ATP2B4: variants seen among roughly 807,000 people sequenced by gnomAD.
ATP2B4 encodes the protein ATPase plasma membrane Ca2+ transporting 4.
ATP2B4 carries 39 observed loss-of-function variants against 110.3 expected under a neutral mutation model. The observed-to-expected ratio is 0.35, with a 90% confidence interval of 0.27 to 0.46. The LOEUF is 0.46. Among genes scored for constraint, ATP2B4 ranks in the 20% least tolerant of loss-of-function variants. ATP2B4 has a pLI of 1.00. For missense variants in ATP2B4, 1,135 were observed against 1,530.9 expected (o/e 0.74, Z 4.32); for synonymous variants, 538 against 571.7 (o/e 0.94, Z 0.84).
At chr1:203,680,429 G>A (rs977694993) in intron 1 of ATP2B4, among the ~76,000 whole-genome samples, 8 of 152,056 alleles carry the variant, frequency 5.3e-5, no homozygotes, top group African/African-American at 4.8e-5. Flanking sequence ...CTAACACGGT[G>A]AAACCCCGTC....
chr1:203,682,050 C>T (rs749717269), intron 1 of ATP2B4, among the ~76,000 whole-genome samples: 6 of 152,088 alleles, frequency 3.9e-5, no homozygotes, highest in Admixed American at 6.6e-5. Flanking sequence ...AACTTGGTGC[C>T]GGCCAGGTTG....
chr1:203,720,885 T>C, intron 16 of ATP2B4, 145 bp downstream of exon 16: 2 of 1,012,570 alleles, frequency 2.0e-6, no homozygotes, highest in South Asian at 3.4e-5. Flanking sequence ...CTAAGTCTGC[T>C]GTCTTCATCT....
chr1:203,648,007 G>A (rs1432823919), intron 1 of ATP2B4, among the ~76,000 whole-genome samples: 1 of 152,128 alleles, frequency 6.6e-6, no homozygotes, highest in Non-Finnish European at 1.5e-5. Flanking sequence ...TTTGAAGTGG[G>A]AGTCAAAATG....
intron 1 of ATP2B4, among the ~76,000 whole-genome samples, chr1:203,645,438 G>C (rs1327786399): frequency 6.6e-6 from 1 of 152,038 alleles, no homozygotes; most frequent in Non-Finnish European, 1.5e-5. Context: ...CCATTATTCT[G>C]TGATCTAATC....
rs369921464 is a variant in ATP2B4 at position 203,653,823 on chromosome 1, T to C, written c.-465+26604T>C. 1.4e-4 allele frequency among the ~76,000 whole-genome samples: 21 copies of C among 151,988 alleles called. 2 individuals are homozygous for C. Among genetic ancestry groups the C allele is most frequent in the African/African-American group, 5.1e-4 (21 of 41,442 alleles). ...CCGCCCTCCTTGGCCTCACAAAGTG[T>C]TGGGATTACAGGCGTGAGCCACCAC... On this transcript the variant is annotated intron_variant, in intron 1 of 20. Coordinates refer to ENST00000357681, the MANE Select transcript of ATP2B4 (RefSeq NM_001684.5).
At chr1:203,646,623 C>T (rs1663808484) in intron 1 of ATP2B4, among the ~76,000 whole-genome samples, 1 of 151,958 alleles carries the variant, frequency 6.6e-6, no homozygotes, top group Non-Finnish European at 1.5e-5. Context: ...ATTAGCCAGG[C>T]GTGGTGGCAC....
intron 2 of ATP2B4, among the ~76,000 whole-genome samples, chr1:203,688,540 G>T (rs188976778): frequency 1.3e-5 from 2 of 151,822 alleles, no homozygotes; most frequent in South Asian, 4.2e-4. Flanking sequence ...GGCCTCAAGC[G>T]ATCTGCCCAC....
rs1663107258 is a variant in ATP2B4, at chr1:203,626,959, A to G, written c.-725A>G. 6.6e-6 allele frequency: 1 copy of G among 152,414 alleles called. No homozygotes were observed. Among genetic ancestry groups the G allele is most frequent in the Non-Finnish European group, 1.5e-5 (1 of 68,170 alleles). 9.4% of individuals were successfully genotyped at this position (152,414 alleles called of 1,614,324 possible). On this transcript the variant is annotated 5_prime_UTR_variant, in exon 1 of 21. Transcript: ENST00000357681. ...GGGCACCATCCCTCCGAAGAGAGCA[A>G]GATCAGAGACACCCGCCCAGCTCTC...
intron 1 of ATP2B4, among the ~76,000 whole-genome samples, chr1:203,651,348 C>T (rs1189521123): frequency 3.9e-5 from 6 of 152,130 alleles, no homozygotes; most frequent in African/African-American, 1.2e-4. Context: ...ATGCATGCCT[C>T]GCTTTTACTG....
At chr1:203,639,111 T>C (rs978122814) in intron 1 of ATP2B4, among the ~76,000 whole-genome samples, 4 of 152,044 alleles carry the variant, frequency 2.6e-5, no homozygotes, top group South Asian at 4.1e-4. Context: ...TCAGAGGAAG[T>C]GCAGAGGGGA....
In ATP2B4 at chr1:203,699,852, G is replaced by C. The variant is rs186824016; in HGVS notation, c.649+135G>C. The stretch of plus-strand genomic sequence containing the variant: ...CAAAATTGTATTCACTTCTAGGTTA[G>C]AGTTTAAAGAGGTTGTGGGAAGCCA... On this transcript the variant is annotated intron_variant, in intron 4 of 20. Coordinates refer to ENST00000357681, the MANE Select transcript of ATP2B4 (RefSeq NM_001684.5). 36 of 1,428,506 alleles carry C rather than the reference G, an allele frequency of 2.5e-5. No homozygotes were observed. The African/African-American group carries it at 4.9e-4, about 19-fold the overall frequency. The allele number at this position is 1,428,506 out of a possible 1,614,324, so 88.5% of individuals were successfully genotyped here.
chr1:203,702,177 C>G, intron 7 of ATP2B4, 98 bp downstream of exon 7: 1 of 1,456,026 alleles, frequency 6.9e-7, no homozygotes, highest in South Asian at 1.2e-5. Flanking sequence ...CTCCATAAAT[C>G]TGTTATCTGC....
At position 203,683,325 on chromosome 1, in the gene ATP2B4, A is replaced by C. The variant is rs761589301; in HGVS notation, c.120A>C (p.Ala40=). 2.5e-6 allele frequency: 4 copies of C among 1,614,066 alleles called. No homozygotes were observed. The highest frequency in any genetic ancestry group is 3.4e-6 in the Non-Finnish European group (4 of 1,180,038). Residue 40 remains alanine, a synonymous_variant, in exon 2 of 21, where the codon GCA becomes GCC. Coordinates refer to ENST00000357681, the MANE Select transcript of ATP2B4 (RefSeq NM_001684.5). ...RKLMELRSRD[A]LTQINVHYGG... Reference sequence around the variant, plus strand: ...TCATGGAGCTGCGTTCAAGGGATGCACTGACCCAGATTAATGTCCACTATG... The same window carrying C: ...TCATGGAGCTGCGTTCAAGGGATGCCCTGACCCAGATTAATGTCCACTATG...
Position 203,710,891 on chromosome 1 carries a change from T to C in ATP2B4, c.1814T>C (p.Leu605Pro). The C allele has an allele frequency of 6.2e-7, 1 of 1,613,484 alleles. No individual in the cohort carries two copies. ...CGCCTCCCCAGGTGTAATCGAATCC[T>C]GGACCGGAAAGGGGAAGCAGTGCCA... is the stretch of plus-strand genomic sequence containing the variant. Reference protein sequence around the residue: ...EIILRKCNRILDRKGEAVPFK... With the variant: ...EIILRKCNRIPDRKGEAVPFK... Residue 605 changes from leucine to proline, a missense_variant, in exon 12 of 21, where the codon CTG (leucine) becomes CCG (proline). Leu to Pro is a moderately conservative substitution (Grantham distance 98, BLOSUM62 -3). Transcript: ENST00000357681.
intron 2 of ATP2B4, among the ~76,000 whole-genome samples, 161 bp from the exon 3 acceptor site, chr1:203,697,996 T>G (rs1665582428): frequency 6.6e-6 from 1 of 151,940 alleles, no homozygotes; most frequent in South Asian, 2.1e-4. Flanking sequence ...TGAGATACCA[T>G]GCCTGGCCTC....
intron 1 of ATP2B4, among the ~76,000 whole-genome samples, chr1:203,664,364 G>A (rs1558022509): frequency 6.6e-6 from 1 of 152,184 alleles, no homozygotes; most frequent in Non-Finnish European, 1.5e-5. Flanking sequence ...CCAGAGGCAC[G>A]GGGAGGCTCT....
At chr1:203,728,879 G>A (rs923883767) in intron 20 of ATP2B4, among the ~76,000 whole-genome samples, 4 of 146,634 alleles carry the variant, frequency 2.7e-5, no homozygotes, top group African/African-American at 7.6e-5. Context: ...AAGACTGGGC[G>A]CGGTGGTTCT....
chr1:203,730,440 T>C (rs1381283742), intron 20 of ATP2B4, among the ~76,000 whole-genome samples: 1 of 152,134 alleles, frequency 6.6e-6, no homozygotes, highest in African/African-American at 2.4e-5. Context: ...CAAGTACCCA[T>C]AGAACCTGGC....
chr1:203,648,854 A>G (rs146955670), intron 1 of ATP2B4, among the ~76,000 whole-genome samples: 3 of 152,332 alleles, frequency 2.0e-5, no homozygotes, highest in African/African-American at 4.8e-5. Flanking sequence ...TCATCATTAC[A>G]TTGGTTATCT....
Sources: allele counts gnomAD v4.1 joint callset (sites outside exome capture counted in the v4.1 genomes callset), GRCh38; gene constraint gnomAD v4.1.1; transcripts MANE v1.5; gene names NCBI Gene and HGNC (gene_info 2026-07-23, HGNC 2026-07-21).